The following HS1BP3 variants were observed in gnomAD, a reference collection of about 807,000 sequenced individuals.
The protein encoded by HS1BP3 is HCLS1 binding protein 3, also known as HCLS1-binding protein 3.
Under a neutral mutation model 33.5 loss-of-function variants are expected in HS1BP3, and 32 were observed. The ratio of observed to expected loss-of-function variants is 0.95; its 90% confidence interval spans 0.72 to 1.28. The LOEUF is 1.28. Ranked by LOEUF, HS1BP3 falls within the 50% of genes most tolerant of loss-of-function variation. The pLI, the probability that HS1BP3 is intolerant of heterozygous loss-of-function variation, is 0.00. For missense variants in HS1BP3, 486 were observed against 502.3 expected, an observed-to-expected ratio of 0.97 and a Z score of 0.31; for synonymous variants, 187 against 209.2, an observed-to-expected ratio of 0.89 and a Z score of 0.92.
chr2:20,613,315 T>C (rs1330449123), downstream of HS1BP3, among the ~76,000 whole-genome samples: 1 of 152,256 alleles, frequency 6.6e-6, no homozygotes, highest in African/African-American at 2.4e-5. Flanking sequence ...GCAGCTCCCA[T>C]GCTCCGGAAG....
chr2:20,569,253 G>T (rs1197405592), intron 5 of HS1BP3, among the ~76,000 whole-genome samples: 3 of 152,168 alleles, frequency 2.0e-5, no homozygotes, highest in African/African-American at 7.2e-5. Context: ...AAAACTTTTT[G>T]TTTTTTCCTT....
intron 5 of HS1BP3, among the ~76,000 whole-genome samples, chr2:20,581,795 T>C (rs1165578599): frequency 6.6e-6 from 1 of 152,224 alleles, no homozygotes; most frequent in African/African-American, 2.4e-5. Context: ...GGGAAGAATC[T>C]GTTTCCACCT....
At chr2:20,619,293 G>T in intron 6 of HS1BP3, 48 bp from the exon 7 acceptor site, 1 of 1,472,186 alleles carries the variant, frequency 6.8e-7, no homozygotes, top group Non-Finnish European at 9.2e-7. Context: ...GCCACCCCGT[G>T]ACAGGAACAA....
chr2:20,578,847 T>C (rs929252917), intron 5 of HS1BP3, among the ~76,000 whole-genome samples: 2 of 152,214 alleles, frequency 1.3e-5, no homozygotes, highest in African/African-American at 4.8e-5. Context: ...GGAGCCATGC[T>C]CTGTATCAAC....
At chr2:20,625,557 T>G (rs1258281400) in intron 4 of HS1BP3, among the ~76,000 whole-genome samples, 4 of 152,346 alleles carry the variant, frequency 2.6e-5, no homozygotes, top group Middle Eastern at 3.4e-3. Context: ...TTCCTTTGCA[T>G]GGTAAAACCA....
intron 1 of HS1BP3, among the ~76,000 whole-genome samples, chr2:20,650,246 C>T (rs552748221): frequency 6.6e-6 from 1 of 152,326 alleles, no homozygotes; most frequent in East Asian, 1.9e-4. Flanking sequence ...TAGCCTAAGA[C>T]TTTGTGTAGG....
At chr2:20,582,539 C>A (rs1389839514) in intron 5 of HS1BP3, among the ~76,000 whole-genome samples, 4 of 152,148 alleles carry the variant, frequency 2.6e-5, no homozygotes, top group Non-Finnish European at 4.4e-5. Context: ...CCATTTCCAG[C>A]TGAGAGGTCC....
In HS1BP3 at chr2:20,641,128, C is replaced by T. The variant is rs750750583; in HGVS notation, c.251G>A (p.Arg84His). The T allele has an allele frequency of 1.5e-5, 24 of 1,612,328 alleles. No homozygotes were observed. Among genetic ancestry groups the T allele is most frequent in the East Asian group, 6.7e-5 (3 of 44,900 alleles). The change falls in exon 3 of 7, where the codon CGT becomes CAT. Residue 84 changes from arginine to histidine, a missense_variant. Coordinates refer to ENST00000304031, the MANE Select transcript of HS1BP3 (RefSeq NM_022460.4). ...TGGGGGGAGGCTGGCTGCTGCATAA[C>T]GACTGCTCAGTTTCTGGTAAAACTC... Reference protein sequence around the residue: ...IEEFYQKLSSRYAAASLPPLP... With the variant: ...IEEFYQKLSSHYAAASLPPLP...
At chr2:20,647,088 G>A (rs2149304880) in intron 1 of HS1BP3, among the ~76,000 whole-genome samples, 1 of 152,260 alleles carries the variant, frequency 6.6e-6, no homozygotes, top group East Asian at 1.9e-4. Flanking sequence ...TGACAAGAAG[G>A]GCAGTGCCTG....
chr2:20,634,831 G>T (rs563563285), intron 4 of HS1BP3: 1 of 152,358 alleles, frequency 6.6e-6, no homozygotes, highest in East Asian at 1.9e-4. Flanking sequence ...GCATTCCAGA[G>T]AAACATCCAG....
chr2:20,577,063 G>A (rs1693418111), intron 5 of HS1BP3, among the ~76,000 whole-genome samples: 1 of 152,196 alleles, frequency 6.6e-6, no homozygotes, highest in South Asian at 2.1e-4. Flanking sequence ...ATTTACAAGG[G>A]AATTGCCGTT....
chr2:20,566,252 T>A (rs4666424), intron 5 of HS1BP3, among the ~76,000 whole-genome samples: 144,351 of 152,162 alleles, frequency 0.95, 68,935 homozygotes, highest in East Asian at 1. Flanking sequence ...ACTGCCCATC[T>A]CCCCCGCCTG....
intron 5 of HS1BP3, among the ~76,000 whole-genome samples, chr2:20,624,526 C>T (rs1364729742): frequency 6.6e-6 from 1 of 152,202 alleles, no homozygotes; most frequent in Non-Finnish European, 1.5e-5. Context: ...CAGGCCCTAT[C>T]GCTTACCACA....
intron 5 of HS1BP3, among the ~76,000 whole-genome samples, chr2:20,562,947 G>A (rs553689430): frequency 7.2e-5 from 11 of 152,166 alleles, no homozygotes; most frequent in Non-Finnish European, 1.0e-4. Context: ...CAACCTCCCC[G>A]CTCCCCAGTA....
chr2:20,569,855 A>T (rs4666311), intron 5 of HS1BP3, among the ~76,000 whole-genome samples: 138,504 of 152,244 alleles, frequency 0.91, 63,242 homozygotes, highest in East Asian at 1. Context: ...CATTTGCCCC[A>T]CCGCCTCTCT....
intron 1 of HS1BP3, 21 bp downstream of exon 1, chr2:20,651,011 G>A (rs1695679283): frequency 2.4e-6 from 3 of 1,237,430 alleles, no homozygotes; most frequent in South Asian, 8.1e-5. Context: ...GTGCGGTGTG[G>A]GGCGCGGGGG....
At chr2:20,559,460 G>A (rs1692923472), downstream of HS1BP3, among the ~76,000 whole-genome samples, 1 of 152,168 alleles carries the variant, frequency 6.6e-6, no homozygotes, top group African/African-American at 2.4e-5. Flanking sequence ...ATGGGTGGGT[G>A]GATGGATGAA....
intron 5 of HS1BP3, 79 bp downstream of exon 5, chr2:20,624,653 C>T (rs1294074398): frequency 1.8e-5 from 25 of 1,371,778 alleles, no homozygotes; most frequent in African/African-American, 1.6e-4. Flanking sequence ...CTATTCACGC[C>T]GGGTGAGTCC....
chr2:20,558,086 C>T (rs139813763), downstream of HS1BP3, among the ~76,000 whole-genome samples: 172 of 152,346 alleles, frequency 1.1e-3, no homozygotes, highest in African/African-American at 4.0e-3. Flanking sequence ...TTGTTCACTG[C>T]GTCTGTATCC....
Sources: gnomAD v4.1 joint callset for allele counts (sites outside exome capture counted in the v4.1 genomes callset) on GRCh38, gnomAD v4.1.1 for gene constraint, MANE v1.5 for transcripts, NCBI Gene and HGNC (gene_info 2026-07-23, HGNC 2026-07-21) for gene names.